Variants in OTOP3 observed in about 807,000 individuals in gnomAD.
OTOP3 encodes the protein otopetrin 3.
A neutral mutation model predicts 50.8 loss-of-function variants in OTOP3; 41 were observed. The observed-to-expected ratio is 0.81, with a 90% CI of 0.63 to 1.05. The LOEUF (loss-of-function observed/expected upper bound fraction) is 1.05. Ranked by LOEUF, OTOP3 falls within the 50% of genes least tolerant of loss-of-function variation. OTOP3 has a pLI of 0.00. For synonymous variants in OTOP3, 320 were observed against 324.4 expected (o/e 0.99, Z 0.14); for missense variants, 788 against 760.8 (o/e 1.04, Z -0.42).
intron 1 of OTOP3, among the ~76,000 whole-genome samples, chr17:74,940,341 AT>A (rs997444288): frequency 6.6e-6 from 1 of 151,382 alleles, no homozygotes; most frequent in African/African-American, 2.4e-5. Context: ...TACTGTGCTA[AT>A]TTTTTTTTAA....
chr17:74,942,112 A>C (rs758483113), intron 3 of OTOP3, 75 bp downstream of exon 3: 6 of 1,506,782 alleles, frequency 4.0e-6, no homozygotes, highest in Admixed American at 2.1e-5. Flanking sequence ...ACCTCCCACT[A>C]CCTATGCCTA....
chr17:74,941,271 TCC>T, intron 1 of OTOP3, 120 bp from the exon 2 acceptor site: 4 of 1,107,342 alleles, frequency 3.6e-6, no homozygotes, highest in Non-Finnish European at 2.5e-6. Flanking sequence ...AGTTCCAATG[TCC>T]CAACCACCCA....
Position 74,943,605 on chromosome 17 carries a change from G to A in OTOP3, c.633-1G>A. The A allele has an allele frequency of 1.2e-6, 2 of 1,613,546 alleles. No individual in the cohort carries two copies. Among genetic ancestry groups the A allele is most frequent in the South Asian group, 2.2e-5 (2 of 91,058 alleles). On this transcript the variant is annotated splice_acceptor_variant, in intron 4 of 6. Transcript: ENST00000328801. LOFTEE classifies it high-confidence loss of function. The stretch of plus-strand genomic sequence containing the variant: ...TGAGAAGAGTGTGGCATTTCCCCCA[G>A]GTGTGGCCTGATGCTGACCCTGGCC...
chr17:74,935,822 G>T (rs1309758320), upstream of OTOP3: 5 of 1,515,822 alleles, frequency 3.3e-6, no homozygotes, highest in Non-Finnish European at 4.5e-6. Context: ...GAGCCCGAGC[G>T]GCGGCTGCGC....
At position 74,938,848 on chromosome 17, in the gene OTOP3, G is replaced by A. The variant is rs372857833; in HGVS notation, c.20-2545G>A. Among the ~76,000 whole-genome samples, 5 of 152,156 alleles carry A rather than the reference G, an allele frequency of 3.3e-5. No individual in the cohort carries two copies. The East Asian group carries it at 9.7e-4, about 29-fold the overall frequency. Reference sequence around the variant, plus strand: ...CCAGTCCAAGAGAGCAAGGAAGGGGGCCCAGACTAGGTAGTGGTTGAGGTC... The same window carrying A: ...CCAGTCCAAGAGAGCAAGGAAGGGGACCCAGACTAGGTAGTGGTTGAGGTC... On this transcript the variant is annotated intron_variant, in intron 1 of 6. Coordinates refer to ENST00000328801, the MANE Select transcript of OTOP3 (RefSeq NM_001272005.2).
intron 6 of OTOP3, among the ~76,000 whole-genome samples, chr17:74,948,214 G>A (rs993093143): frequency 6.6e-6 from 1 of 152,150 alleles, no homozygotes; most frequent in African/African-American, 2.4e-5. Flanking sequence ...AAGGTAGGAG[G>A]GGGCAGGGGG....
intron 1 of OTOP3, among the ~76,000 whole-genome samples, chr17:74,940,378 GTCTGC>G (rs1381788793): frequency 6.6e-6 from 1 of 151,954 alleles, no homozygotes; most frequent in Admixed American, 6.6e-5. Context: ...AAGCTAAAAA[GTCTGC>G]TACTCCCAAT....
At chr17:74,941,029 G>A (rs34289032) in intron 1 of OTOP3, among the ~76,000 whole-genome samples, 8,689 of 152,158 alleles carry the variant, frequency 0.057, 304 homozygotes, top group African/African-American at 0.1. Flanking sequence ...GAAGGACACC[G>A]CTGCCTTTTC....
chr17:74,939,376 C>A (rs189436200), intron 1 of OTOP3, among the ~76,000 whole-genome samples: 1 of 152,160 alleles, frequency 6.6e-6, no homozygotes, highest in East Asian at 1.9e-4. Flanking sequence ...GAACCCTGAG[C>A]TCAGAGCACA....
intron 1 of OTOP3, 121 bp from the exon 2 acceptor site, chr17:74,941,272 C>A: frequency 1.2e-6 from 1 of 816,408 alleles, no homozygotes. Flanking sequence ...GTTCCAATGT[C>A]CCAACCACCC....
chr17:74,939,153 G>C (rs779357419), intron 1 of OTOP3, among the ~76,000 whole-genome samples: 83 of 152,158 alleles, frequency 5.5e-4, no homozygotes, highest in Non-Finnish European at 6.6e-4. Context: ...CAGGCTGGGT[G>C]ACAGAGCGAG....
At position 74,941,535 on chromosome 17, in the gene OTOP3, T is replaced by C; in HGVS notation, c.162T>C (p.His54=). Residue 54 remains histidine, a synonymous_variant, in exon 2 of 7, where the codon CAT becomes CAC. Transcript: ENST00000328801. ...GGCAGAAGTCCTGGCTGGTGAGGCA[T>C]TTCTCTCTGCTGCTGCGGCGGGACC... The part of the protein sequence containing the change: ...RPRQKSWLVR[H]FSLLLRRDRQ... 1.2e-6 allele frequency: 2 copies of C among 1,613,790 alleles called. No individual in the cohort carries two copies. Among genetic ancestry groups the C allele is most frequent in the South Asian group, 1.1e-5 (1 of 91,046 alleles).
At chr17:74,947,597 G>A (rs905799408) in intron 6 of OTOP3, 122 bp downstream of exon 6, 1 of 1,011,090 alleles carries the variant, frequency 9.9e-7, no homozygotes, top group South Asian at 1.7e-5. Flanking sequence ...CTGCTTGAGA[G>A]TGTCCCCCCA....
rs778290054 is a variant in OTOP3, at chr17:74,947,328, T to C, written c.1419T>C (p.Ala473=). The C allele has an allele frequency of 3.1e-6, 5 of 1,613,172 alleles. No homozygotes were observed. The African/African-American group carries it at 6.7e-5, about 22-fold the overall frequency. The change falls in exon 6 of 7, where the codon GCT becomes GCC. Residue 473 remains alanine, a synonymous_variant. Transcript: ENST00000328801. ...AGGGCCTGGCAGGAAAGCAGGAGGC[T>C]GAGCCTCCCCGCAGAGGCTCCTTGC... The part of the protein sequence containing the change: ...VPEGLAGKQE[A]EPPRRGSLLE...
At position 74,941,819 on chromosome 17, in the gene OTOP3, A is replaced by G; in HGVS notation, c.436+10A>G. ...CCCCTCTGGGTGCGGGGTGAGTGTC[A>G]GGTTGCTGGGGGGCTGGGCAGGGGT... On this transcript the variant is annotated intron_variant, in intron 2 of 6. Transcript: ENST00000328801. The G allele has an allele frequency of 3.3e-6, 4 of 1,208,080 alleles. No individual in the cohort carries two copies. Among genetic ancestry groups the G allele is most frequent in the Non-Finnish European group, 4.7e-6 (4 of 858,014 alleles). 74.8% of individuals were successfully genotyped at this position (1,208,080 alleles called of 1,614,324 possible).
intron 6 of OTOP3, among the ~76,000 whole-genome samples, chr17:74,948,427 G>T (rs1161086836): frequency 2.0e-5 from 3 of 152,230 alleles, no homozygotes; most frequent in Non-Finnish European, 4.4e-5. Flanking sequence ...TCGGGAGACT[G>T]AGGTGAGTGG....
At chr17:74,943,827 C>T in intron 5 of OTOP3, 103 bp downstream of exon 5, 1 of 1,017,486 alleles carries the variant, frequency 9.8e-7, no homozygotes, top group Non-Finnish European at 1.5e-6. Context: ...AGGTGAGGCT[C>T]AGTAGGTCTA....
At position 74,941,764 on chromosome 17, in the gene OTOP3, G is replaced by T. The variant is rs752807031; in HGVS notation, c.391G>T (p.Ala131Ser). The T allele has an allele frequency of 6.2e-7, 1 of 1,613,754 alleles. No homozygotes were observed. Among genetic ancestry groups the T allele is most frequent in the Non-Finnish European group, 8.5e-7 (1 of 1,179,926 alleles). The change falls in exon 2 of 7, where the codon GCC becomes TCC. Residue 131 changes from alanine (A) to serine (S), a missense_variant. Transcript: ENST00000328801. Reference sequence around the variant, plus strand: ...GGCAAGCACCACCCGCCGACCACACGCCGTGCTCTACCAAGATCCCCACGC... The same window carrying T: ...GGCAAGCACCACCCGCCGACCACACTCCGTGCTCTACCAAGATCCCCACGC... The part of the protein sequence containing the change: ...YVASTTRRPH[A>S]VLYQDPHAGP...
intron 5 of OTOP3, among the ~76,000 whole-genome samples, chr17:74,944,705 C>T (rs1040197237): frequency 4.6e-5 from 7 of 152,072 alleles, no homozygotes; most frequent in African/African-American, 1.7e-4. Flanking sequence ...TGCGGTAAGC[C>T]GAGATCGCAC....
Sources: allele counts gnomAD v4.1 joint callset (sites outside exome capture counted in the v4.1 genomes callset), GRCh38; gene constraint gnomAD v4.1.1; transcripts MANE v1.5; gene names NCBI Gene and HGNC (gene_info 2026-07-23, HGNC 2026-07-21).